PCDH9: variants seen among roughly 807,000 people sequenced by gnomAD.
PCDH9 encodes the protein protocadherin 9.
Under a neutral mutation model 70.6 loss-of-function variants are expected in PCDH9, and 24 were observed. That is an observed-to-expected ratio of 0.34 (90% confidence interval 0.25 to 0.48). The LOEUF is 0.48. Among genes scored for constraint, PCDH9 ranks in the 20% least tolerant of loss-of-function variants. The pLI is 0.99. For missense variants in PCDH9, 1,281 were observed against 1,503.6 expected (o/e 0.85, Z 2.45); for synonymous variants, 562 against 558.5 (o/e 1.01, Z -0.09).
At chr13:66,798,573 T>C (rs1191898529) in intron 3 of PCDH9, among the ~76,000 whole-genome samples, 1 of 152,158 alleles carries the variant, frequency 6.6e-6, no homozygotes, top group Non-Finnish European at 1.5e-5. Context: ...AGAGGAGTTA[T>C]CCTGGAGGAA....
At chr13:66,945,778 A>G (rs1026824589) in intron 2 of PCDH9, among the ~76,000 whole-genome samples, 1 of 152,092 alleles carries the variant, frequency 6.6e-6, no homozygotes, top group Non-Finnish European at 1.5e-5. Context: ...TTACAGCTTT[A>G]TATTACTGTT....
chr13:67,117,638 T>C (rs1035963158), intron 2 of PCDH9, among the ~76,000 whole-genome samples: 1 of 152,178 alleles, frequency 6.6e-6, no homozygotes, highest in Non-Finnish European at 1.5e-5. Flanking sequence ...ACCCATGCTA[T>C]GAAATTATAC....
intron 4 of PCDH9, among the ~76,000 whole-genome samples, chr13:66,471,184 T>G (rs1241147429): frequency 6.6e-6 from 1 of 152,032 alleles, no homozygotes; most frequent in East Asian, 1.9e-4. Flanking sequence ...GCTATGGTTT[T>G]AAAAGGACTG....
At chr13:67,047,096 G>A (rs2085236613) in intron 2 of PCDH9, among the ~76,000 whole-genome samples, 1 of 152,078 alleles carries the variant, frequency 6.6e-6, no homozygotes, top group African/African-American at 2.4e-5. Context: ...GGGGAAAGAG[G>A]GAGAAGCACT....
At chr13:67,194,895 G>C (rs548881158) in intron 2 of PCDH9, among the ~76,000 whole-genome samples, 47 of 152,166 alleles carry the variant, frequency 3.1e-4, no homozygotes, top group African/African-American at 1.1e-3. Flanking sequence ...ATAACAAAGA[G>C]ACATCATCAT....
chr13:66,540,234 T>C (rs1479891333), intron 4 of PCDH9, among the ~76,000 whole-genome samples: 1 of 152,038 alleles, frequency 6.6e-6, no homozygotes, highest in Non-Finnish European at 1.5e-5. Flanking sequence ...TGAGCAATAA[T>C]ATATTGAATT....
intron 2 of PCDH9, among the ~76,000 whole-genome samples, chr13:67,047,787 A>G (rs2085250696): frequency 6.6e-6 from 1 of 152,188 alleles, no homozygotes; most frequent in Non-Finnish European, 1.5e-5. Flanking sequence ...GATTTTAAAA[A>G]TATCTTGCAT....
intron 2 of PCDH9, among the ~76,000 whole-genome samples, chr13:67,131,275 A>G (rs2087106251): frequency 6.6e-6 from 1 of 152,148 alleles, no homozygotes. Context: ...AAGAGATGAA[A>G]GAAATGGCTG....
At chr13:67,026,891 AC>A (rs1210843782) in intron 2 of PCDH9, among the ~76,000 whole-genome samples, 1 of 152,162 alleles carries the variant, frequency 6.6e-6, no homozygotes, top group Non-Finnish European at 1.5e-5. Flanking sequence ...AGAACTACCA[AC>A]CACTGATCAA....
intron 3 of PCDH9, among the ~76,000 whole-genome samples, chr13:66,650,663 T>C (rs2138989616): frequency 6.6e-6 from 1 of 151,960 alleles, no homozygotes; most frequent in South Asian, 2.1e-4. Flanking sequence ...TTGAACTTAA[T>C]GTACACTATA....
chr13:67,138,200 TC>T (rs1594563610), intron 2 of PCDH9, among the ~76,000 whole-genome samples: 1 of 152,256 alleles, frequency 6.6e-6, no homozygotes, highest in African/African-American at 2.4e-5. Flanking sequence ...CTCAATGTCC[TC>T]CTATACAAAA....
chr13:66,818,565 A>C (rs924471310), intron 3 of PCDH9, among the ~76,000 whole-genome samples: 6 of 152,232 alleles, frequency 3.9e-5, no homozygotes, highest in African/African-American at 1.4e-4. Flanking sequence ...CTAATTAATA[A>C]CATTGTAGTC....
chr13:66,492,351 A>G (rs1427278022), intron 4 of PCDH9, among the ~76,000 whole-genome samples: 1 of 151,372 alleles, frequency 6.6e-6, no homozygotes, highest in African/African-American at 2.4e-5. Context: ...ATCAATATAT[A>G]TTAAAGCTTT....
At chr13:66,572,783 A>T (rs914648528) in intron 4 of PCDH9, among the ~76,000 whole-genome samples, 8 of 151,974 alleles carry the variant, frequency 5.3e-5, no homozygotes, top group Admixed American at 3.9e-4. Flanking sequence ...TTCTTGAGAC[A>T]GGGCCTTGCT....
intron 4 of PCDH9, among the ~76,000 whole-genome samples, chr13:66,309,299 G>T (rs539008423): frequency 6.6e-6 from 1 of 151,906 alleles, no homozygotes; most frequent in South Asian, 2.1e-4. Flanking sequence ...TTGGTAAAAA[G>T]AAAAAGTATA....
At chr13:66,726,922 C>T (rs2079012942) in intron 3 of PCDH9, among the ~76,000 whole-genome samples, 1 of 152,052 alleles carries the variant, frequency 6.6e-6, no homozygotes, top group Admixed American at 6.5e-5. Flanking sequence ...TACTTGCTTG[C>T]CTTATTTCTG....
chr13:67,229,869 C>G lies in PCDH9; in HGVS notation c.-225G>C, dbSNP rs2089968634. 1 of 152,202 alleles carries G rather than the reference C, an allele frequency of 6.6e-6. No homozygotes were observed. Among genetic ancestry groups the G allele is most frequent in the African/African-American group, 2.4e-5 (1 of 41,436 alleles). 9.4% of individuals were successfully genotyped at this position (152,202 alleles called of 1,614,324 possible). Reference sequence around the variant, plus strand: ...ATAGAAAGCCATGCATCTGGTAGCACCAGTTTGGGGAGAAATCAGAAGCAG... The same window carrying G: ...ATAGAAAGCCATGCATCTGGTAGCAGCAGTTTGGGGAGAAATCAGAAGCAG... On this transcript the variant is annotated 5_prime_UTR_variant, in exon 1 of 5. Coordinates refer to ENST00000377865, the MANE Select transcript of PCDH9 (RefSeq NM_203487.3).
Position 67,227,774 on chromosome 13 carries a change from T to G in PCDH9, c.667A>C (p.Lys223Gln), listed in dbSNP as rs1403186944. ...EQKDTYVMKI[K>Q]VEDGGTPQKS... Reference sequence around the variant, plus strand: ...TGTGGAGTGCCTCCATCCTCTACTTTGATTTTCATCACATAGGTATCTTTC... The same window carrying G: ...TGTGGAGTGCCTCCATCCTCTACTTGGATTTTCATCACATAGGTATCTTTC... The change falls in exon 2 of 5, where the codon AAA becomes CAA. Residue 223 changes from lysine to glutamine, a missense_variant. Physicochemically the swap from Lys to Gln is moderately conservative, Grantham distance 53. Transcript: ENST00000377865. This position sits in a 1 kb window ranked among gnomAD's most constrained non-coding sequence, Gnocchi z 4.6. 6.2e-7 allele frequency: 1 copy of G among 1,613,902 alleles called. No individual in the cohort carries two copies. Among genetic ancestry groups the G allele is most frequent in the East Asian group, 2.2e-5 (1 of 44,884 alleles).
At position 66,716,804 on chromosome 13, in the gene PCDH9, A is replaced by G. The variant is rs180709162; in HGVS notation, c.3139-85393T>C. 3.3e-4 allele frequency among the ~76,000 whole-genome samples: 50 copies of G among 152,312 alleles called. 1 individual carries two copies. The highest frequency in any genetic ancestry group is 6.8e-3 in the Middle Eastern group (2 of 294). ...CAGTGGTAGAATTACCCTGAAGCTA[A>G]GAAGCTTAAGCTTCTCACTTGAACA... On this transcript the variant is annotated intron_variant, in intron 3 of 4. Coordinates refer to ENST00000377865, the MANE Select transcript of PCDH9 (RefSeq NM_203487.3).
Sources: gnomAD v4.1 joint callset for allele counts (sites outside exome capture counted in the v4.1 genomes callset) on GRCh38, gnomAD v4.1.1 for gene constraint, Gnocchi (gnomAD v3.1) non-coding constraint, MANE v1.5 for transcripts, NCBI Gene and HGNC (gene_info 2026-07-23, HGNC 2026-07-21) for gene names.